Variants in PPP2R1B observed in about 807,000 individuals in gnomAD.
PPP2R1B encodes the protein protein phosphatase 2 scaffold subunit Abeta.
PPP2R1B carries 58 observed loss-of-function variants against 72.7 expected under a neutral mutation model. That is an observed-to-expected ratio of 0.80 (90% CI 0.65 to 0.99). The LOEUF (loss-of-function observed/expected upper bound fraction) is 0.99. PPP2R1B is among the 50% of genes least tolerant of loss of function. The pLI is 0.00. For missense variants in PPP2R1B, 695 were observed against 733.6 expected (o/e 0.95, Z 0.61); for synonymous variants, 256 against 264.6 (o/e 0.97, Z 0.32).
chr11:111,755,507 T>C, intron 5 of PPP2R1B, 57 bp from the exon 6 acceptor site: 1 of 1,510,108 alleles, frequency 6.6e-7, no homozygotes, highest in Non-Finnish European at 8.9e-7. Flanking sequence ...GGGGAACTGC[T>C]GTGGGGTGGT....
the PPP2R1B span, among the ~76,000 whole-genome samples, chr11:111,717,276 A>G: frequency 4.0e-5 from 5 of 125,160 alleles, no homozygotes; most frequent in Admixed American, 3.3e-4. Context: ...AGATCTCACC[A>G]CTGCACTCCA....
At chr11:111,752,431 G>T in intron 9 of PPP2R1B, 99 bp from the exon 10 acceptor site, 1 of 1,193,538 alleles carries the variant, frequency 8.4e-7, no homozygotes, top group Non-Finnish European at 1.1e-6. Flanking sequence ...TAAGACTCAG[G>T]TGAAAAAAAA....
intron 2 of PPP2R1B, 74 bp downstream of exon 2, chr11:111,765,218 ACT>A: frequency 7.2e-7 from 1 of 1,387,792 alleles, no homozygotes; most frequent in Non-Finnish European, 1.0e-6. Context: ...TGGGTAATAA[ACT>A]CTAAAAAAGT....
chr11:111,733,140 G>C (rs1028014250), downstream of PPP2R1B, among the ~76,000 whole-genome samples: 3 of 152,234 alleles, frequency 2.0e-5, no homozygotes, highest in African/African-American at 7.2e-5. Context: ...GCAGGGCAGA[G>C]AGCTTGCCAG....
chr11:111,701,411 C>T, the PPP2R1B span: 17 of 1,594,518 alleles, frequency 1.1e-5, no homozygotes, highest in South Asian at 4.5e-5. This position sits in a 1 kb window ranked among gnomAD's most constrained non-coding sequence, Gnocchi z 4.2. Flanking sequence ...GAGTGTTTGA[C>T]GTTCTTGGTA....
At chr11:111,703,303 T>G in the PPP2R1B span, 2 of 1,614,214 alleles carry the variant, frequency 1.2e-6, no homozygotes, top group South Asian at 2.2e-5. Context: ...TAGAAGTTCC[T>G]GTCCAGAGAC....
chr11:111,701,357 G>A, the PPP2R1B span: 1 of 1,462,884 alleles, frequency 6.8e-7, no homozygotes, highest in Non-Finnish European at 9.2e-7. This position sits in a 1 kb window ranked among gnomAD's most constrained non-coding sequence, Gnocchi z 4.2. Flanking sequence ...GAATTTTTCA[G>A]TCCATATGAT....
the PPP2R1B span, among the ~76,000 whole-genome samples, chr11:111,689,818 C>T: frequency 6.6e-6 from 1 of 152,068 alleles, no homozygotes; most frequent in South Asian, 2.1e-4. Context: ...TAGGGGAAGG[C>T]AAATTATTTT....
At chr11:111,766,049 G>C (rs1945522554) in intron 1 of PPP2R1B, 199 bp downstream of exon 1, 1 of 614,752 alleles carries the variant, frequency 1.6e-6, no homozygotes, top group African/African-American at 1.9e-5. Context: ...CCGAAGCAAG[G>C]TTACTAGAGA....
intron 15 of PPP2R1B, chr11:111,730,649 G>C (rs183112172): frequency 2.6e-5 from 4 of 151,600 alleles, no homozygotes; most frequent in Non-Finnish European, 5.9e-5. Context: ...GGTATTATGA[G>C]TGCAAATCAT....
chr11:111,688,855 G>A, the PPP2R1B span, among the ~76,000 whole-genome samples: 1 of 152,116 alleles, frequency 6.6e-6, no homozygotes, highest in African/African-American at 2.4e-5. This position sits in a 1 kb window ranked among gnomAD's most constrained non-coding sequence, Gnocchi z 4.2. Flanking sequence ...TATAAAAATA[G>A]CATGTACACC....
In PPP2R1B at chr11:111,742,434, C is replaced by A. The variant is rs558332700; in HGVS notation, c.1697+89G>T. 57 of 1,403,278 alleles carry A rather than the reference C, an allele frequency of 4.1e-5. 1 individual carries two copies. The South Asian group carries it at 7.4e-4, about 18-fold the overall frequency. The allele number at this position is 1,403,278 out of a possible 1,614,324, so 86.9% of individuals were successfully genotyped here. ...CCCAGATCTTAAGTAAAGTGAAAAT[C>A]CCTGAACTTAATTTTAGCTAATTAC... On this transcript the variant is annotated intron_variant, in intron 13 of 14. Coordinates refer to ENST00000527614, the MANE Select transcript of PPP2R1B (RefSeq NM_002716.5).
intron 1 of PPP2R1B, 91 bp from the exon 2 acceptor site, chr11:111,765,475 C>A (rs1250084694): frequency 5.0e-6 from 5 of 1,009,598 alleles, no homozygotes; most frequent in Non-Finnish European, 6.0e-6. Flanking sequence ...GAAATTATGA[C>A]ACAGGGGTAA....
intron 15 of PPP2R1B, chr11:111,729,943 C>A (rs1286202709): frequency 6.6e-6 from 1 of 152,326 alleles, no homozygotes; most frequent in African/African-American, 2.4e-5. Flanking sequence ...TACAGAACAC[C>A]CCCTTCCTCA....
At chr11:111,727,995 T>C (rs1944031811) in intron 15 of PPP2R1B, 1 of 152,156 alleles carries the variant, frequency 6.6e-6, no homozygotes, top group Non-Finnish European at 1.5e-5. Flanking sequence ...TTAAAGAAAA[T>C]TCATACTCCA....
At chr11:111,691,458 G>A in the PPP2R1B span, among the ~76,000 whole-genome samples, 16 of 152,110 alleles carry the variant, frequency 1.1e-4, no homozygotes, top group Admixed American at 8.5e-4. Flanking sequence ...AAAATTGGCC[G>A]AGCTGACACA....
chr11:111,708,385 A>T, the PPP2R1B span, among the ~76,000 whole-genome samples: 87,259 of 151,994 alleles, frequency 0.57, 29,136 homozygotes, highest in East Asian at 0.87. Flanking sequence ...CTGTCCCAAA[A>T]AGTAAAACAT....
the PPP2R1B span, chr11:111,705,059 C>A: frequency 6.2e-7 from 1 of 1,611,270 alleles, no homozygotes; most frequent in Non-Finnish European, 8.5e-7. This position sits in a 1 kb window ranked among gnomAD's most constrained non-coding sequence, Gnocchi z 4.3. Flanking sequence ...GAAATCACAT[C>A]GGAGCAGTTT....
In PPP2R1B at chr11:111,759,865, T is replaced by C; in HGVS notation, c.626A>G (p.Glu209Gly). 1 of 1,614,182 alleles carries C rather than the reference T, an allele frequency of 6.2e-7. No homozygotes were observed. The highest frequency in any genetic ancestry group is 8.5e-7 in the Non-Finnish European group (1 of 1,180,016). ...SKLGEFAKVL[E>G]LDSVKSEIVP... ...AATTTCACTTTTCACACTGTCTAAT[T>C]CCAAAACTTTTGCAAATTCACCCAA... is the stretch of plus-strand genomic sequence containing the variant. The change falls in exon 5 of 15, where the codon GAA becomes GGA. Residue 209 changes from glutamate (E) to glycine (G), a missense_variant. Glu to Gly is a moderately conservative substitution (Grantham distance 98). Transcript: ENST00000527614.
Sources: allele counts gnomAD v4.1 joint callset (sites outside exome capture counted in the v4.1 genomes callset), GRCh38; gene constraint gnomAD v4.1.1; non-coding constraint Gnocchi (gnomAD v3.1); transcripts MANE v1.5; gene names NCBI Gene and HGNC (gene_info 2026-07-23, HGNC 2026-07-21).